The following NRXN3 variants were observed in gnomAD, a reference collection of about 807,000 sequenced individuals.
NRXN3 encodes neurexin III.
A neutral mutation model predicts 137.6 loss-of-function variants in NRXN3; 32 were observed. The ratio of observed to expected loss-of-function variants is 0.23; its 90% CI spans 0.18 to 0.31. The LOEUF (loss-of-function observed/expected upper bound fraction) is 0.31. NRXN3 is among the 10% of genes least tolerant of loss of function. The probability of loss-of-function intolerance (pLI) is 1.00; values close to 1 mark genes in which losing one functional copy is unlikely to be tolerated. For missense variants in NRXN3, 1,574 were observed against 2,062.5 expected (o/e 0.76, Z 4.59); for synonymous variants, 798 against 784.5 (o/e 1.02, Z -0.29).
chr14:79,371,843 G>A (rs578161372), intron 15 of NRXN3, among the ~76,000 whole-genome samples: 54 of 152,232 alleles, frequency 3.5e-4, no homozygotes, highest in African/African-American at 1.1e-3. Flanking sequence ...GTAGGTATAT[G>A]TTAATTCCTC....
intron 15 of NRXN3, among the ~76,000 whole-genome samples, chr14:79,368,509 A>G (rs1274013999): frequency 5.9e-5 from 9 of 152,244 alleles, no homozygotes; most frequent in Admixed American, 5.2e-4. Flanking sequence ...CCATAATTGT[A>G]CAAAGCATGC....
intron 4 of NRXN3, among the ~76,000 whole-genome samples, chr14:78,437,222 G>C (rs1567586970): frequency 6.6e-6 from 1 of 152,164 alleles, no homozygotes; most frequent in Non-Finnish European, 1.5e-5. Context: ...GAAAGGTAAA[G>C]TATCATGCTG....
chr14:78,787,819 AG>A (rs1279581071), intron 8 of NRXN3, among the ~76,000 whole-genome samples: 1 of 152,196 alleles, frequency 6.6e-6, no homozygotes, highest in Non-Finnish European at 1.5e-5. Context: ...GAAATATAAA[AG>A]ATTTAACTTT....
chr14:79,186,491 A>G (rs1268861054), intron 15 of NRXN3, among the ~76,000 whole-genome samples: 1 of 152,200 alleles, frequency 6.6e-6, no homozygotes, highest in Non-Finnish European at 1.5e-5. Flanking sequence ...CTGAAAACCC[A>G]AAGTTGATTT....
At chr14:79,699,301 C>G (rs528867179) in intron 19 of NRXN3, among the ~76,000 whole-genome samples, 2 of 152,152 alleles carry the variant, frequency 1.3e-5, no homozygotes, top group South Asian at 4.1e-4. Context: ...ATGACTCTCT[C>G]TAGCTCAAGA....
intron 3 of NRXN3, among the ~76,000 whole-genome samples, chr14:78,280,393 T>C (rs1287701345): frequency 6.6e-6 from 1 of 152,200 alleles, no homozygotes; most frequent in Non-Finnish European, 1.5e-5. Context: ...TGAAGCAGGA[T>C]AGAGGAGAAG....
chr14:79,779,088 C>T (rs534183339), intron 19 of NRXN3, among the ~76,000 whole-genome samples: 30 of 152,156 alleles, frequency 2.0e-4, no homozygotes, highest in Non-Finnish European at 1.3e-4. Flanking sequence ...TAGTAAATGC[C>T]GAATTAATGG....
intron 8 of NRXN3, among the ~76,000 whole-genome samples, chr14:78,775,879 TAAAC>T (rs1032146085): frequency 1.3e-5 from 2 of 152,202 alleles, no homozygotes; most frequent in Non-Finnish European, 2.9e-5. Context: ...ATTCCAGAAA[TAAAC>T]AACTTATAAG....
At chr14:78,510,394 C>T (rs1249428069) in intron 4 of NRXN3, among the ~76,000 whole-genome samples, 1 of 152,120 alleles carries the variant, frequency 6.6e-6, no homozygotes, top group Non-Finnish European at 1.5e-5. Flanking sequence ...GCTCTAATCT[C>T]AAGGAGTCCA....
rs182114411 is a variant in NRXN3, at chr14:79,597,081, T to G, written c.3445-66697T>G. 2.0e-5 allele frequency among the ~76,000 whole-genome samples: 3 copies of G among 152,310 alleles called. No individual in the cohort carries two copies. The East Asian group carries it at 5.8e-4, about 29-fold the overall frequency. On this transcript the variant is annotated intron_variant, in intron 16 of 20. Coordinates refer to ENST00000335750, the MANE Select transcript of NRXN3 (RefSeq NM_001330195.2). ...TACCTTAGTCCTTCTTTTTATACTCTGTGCAGCTTTTCAGTTCTTCCACTT... is the reference window on the plus strand; with the variant it reads ...TACCTTAGTCCTTCTTTTTATACTCGGTGCAGCTTTTCAGTTCTTCCACTT...
chr14:79,024,713 T>C (rs1286318455), intron 15 of NRXN3, among the ~76,000 whole-genome samples: 1 of 152,178 alleles, frequency 6.6e-6, no homozygotes, highest in Non-Finnish European at 1.5e-5. Context: ...ATATTGTGAT[T>C]ATCTCCAAAG....
At chr14:79,470,071 A>G (rs2096481106) in intron 16 of NRXN3, among the ~76,000 whole-genome samples, 1 of 152,180 alleles carries the variant, frequency 6.6e-6, no homozygotes, top group African/African-American at 2.4e-5. Flanking sequence ...GTTTTCTTGT[A>G]CTAAAGAAAA....
chr14:79,311,029 C>T (rs1198336635), intron 15 of NRXN3, among the ~76,000 whole-genome samples: 1 of 126,522 alleles, frequency 7.9e-6, no homozygotes, highest in Non-Finnish European at 1.6e-5. Flanking sequence ...AAAGGGAATG[C>T]TTCCAGTTTT....
At chr14:78,517,360 G>T (rs186604425) in intron 4 of NRXN3, among the ~76,000 whole-genome samples, 1 of 152,096 alleles carries the variant, frequency 6.6e-6, no homozygotes, top group East Asian at 1.9e-4. Flanking sequence ...TCCTAATTCT[G>T]CCCTTGCCTA....
intron 1 of NRXN3, among the ~76,000 whole-genome samples, chr14:78,193,788 T>C (rs1281443292): frequency 6.7e-6 from 1 of 149,200 alleles, no homozygotes; most frequent in African/African-American, 2.5e-5. Flanking sequence ...AAAAGTTATG[T>C]CTGAACTGAC....
chr14:78,755,263 G>C (rs566011942), intron 8 of NRXN3, among the ~76,000 whole-genome samples: 1 of 150,268 alleles, frequency 6.7e-6, no homozygotes, highest in Non-Finnish European at 1.5e-5. Context: ...CTAGCCTCAA[G>C]CAATTCTCCC....
intron 19 of NRXN3, among the ~76,000 whole-genome samples, chr14:79,788,992 A>G (rs1416497117): frequency 6.6e-6 from 1 of 152,220 alleles, no homozygotes; most frequent in Non-Finnish European, 1.5e-5. Flanking sequence ...GAGAATTGAA[A>G]ACATTTAATA....
chr14:78,280,954 A>G (rs1448173792), intron 3 of NRXN3, among the ~76,000 whole-genome samples: 2 of 152,092 alleles, frequency 1.3e-5, no homozygotes, highest in African/African-American at 4.8e-5. Flanking sequence ...GGGCCCAGGG[A>G]AGTTAAATGA....
At chr14:79,289,750 C>T (rs1356302422) in intron 15 of NRXN3, among the ~76,000 whole-genome samples, 5 of 152,130 alleles carry the variant, frequency 3.3e-5, no homozygotes, top group East Asian at 3.9e-4. Flanking sequence ...TGCTCAGATT[C>T]GGGGTTCTGT....
Sources: allele counts gnomAD v4.1 joint callset (sites outside exome capture counted in the v4.1 genomes callset), GRCh38; gene constraint gnomAD v4.1.1; transcripts MANE v1.5; gene names NCBI Gene and HGNC (gene_info 2026-07-23, HGNC 2026-07-21).